The following ACBD4 variants were observed in gnomAD, a reference collection of about 807,000 sequenced individuals.
ACBD4 encodes the protein acyl-CoA-binding domain-containing protein 4.
Under a neutral mutation model 46.0 loss-of-function variants are expected in ACBD4, and 41 were observed. The ratio of observed to expected loss-of-function variants is 0.89; its 90% CI spans 0.69 to 1.16. ACBD4 has a LOEUF of 1.16. Ranked by LOEUF, ACBD4 falls within the 50% of genes most tolerant of loss-of-function variation. The pLI is 0.00. For missense variants in ACBD4, 393 were observed against 399.5 expected, an observed-to-expected ratio of 0.98 and a Z score of 0.14; for synonymous variants, 162 against 155.9, an observed-to-expected ratio of 1.04 and a Z score of -0.29.
intron 2 of ACBD4, 59 bp from the exon 3 acceptor site, chr17:45,136,441 C>A: frequency 1.3e-6 from 2 of 1,570,190 alleles, no homozygotes; most frequent in South Asian, 2.3e-5. Context: ...TTCTCCCGCC[C>A]CTCCGCCCCT....
upstream of ACBD4, among the ~76,000 whole-genome samples, chr17:45,135,178 C>T (rs1157086930): frequency 2.0e-5 from 3 of 152,154 alleles, no homozygotes; most frequent in African/African-American, 7.2e-5. Context: ...GTTGGCCCGG[C>T]TGGTCTCGAA....
At chr17:45,142,162 G>T (rs538147788) in intron 9 of ACBD4, among the ~76,000 whole-genome samples, 2 of 152,102 alleles carry the variant, frequency 1.3e-5, no homozygotes, top group East Asian at 3.9e-4. Context: ...GGAGGCTGAG[G>T]TGGGTGGATC....
upstream of ACBD4, among the ~76,000 whole-genome samples, chr17:45,134,997 T>A (rs1024834016): frequency 4.8e-5 from 7 of 145,788 alleles, no homozygotes; most frequent in Admixed American, 1.4e-4. Flanking sequence ...AGATGGAGTC[T>A]CACTCTCGCC....
At chr17:45,140,545 G>GC (rs2055205728) in intron 9 of ACBD4, among the ~76,000 whole-genome samples, 1 of 145,180 alleles carries the variant, frequency 6.9e-6, no homozygotes, top group African/African-American at 2.5e-5. Context: ...TAGATTACAG[G>GC]CCAGCGTGGT....
upstream of ACBD4, among the ~76,000 whole-genome samples, chr17:45,134,080 C>A (rs1322338464): frequency 7.9e-5 from 12 of 152,222 alleles, no homozygotes; most frequent in Admixed American, 2.0e-4. Context: ...AAGTAACCAT[C>A]ACCTCAAGCA....
chr17:45,134,470 A>G (rs971178899), upstream of ACBD4, among the ~76,000 whole-genome samples: 3 of 151,650 alleles, frequency 2.0e-5, no homozygotes, highest in African/African-American at 7.3e-5. Flanking sequence ...TGTTTTTAAA[A>G]TAATTAATTT....
At chr17:45,138,068 C>G (rs1381459801) in intron 8 of ACBD4, 80 bp downstream of exon 8, 1 of 1,403,624 alleles carries the variant, frequency 7.1e-7, no homozygotes, top group East Asian at 2.5e-5. Context: ...TGGCTGCCTT[C>G]CTAGGGCAGA....
chr17:45,138,988 G>A, intron 8 of ACBD4, 33 bp from the exon 9 acceptor site: 1 of 1,609,998 alleles, frequency 6.2e-7, no homozygotes, highest in Non-Finnish European at 8.5e-7. Context: ...ATTGCCTCCT[G>A]AGCCCCCTTC....
chr17:45,132,492 C>A, upstream of ACBD4: 1 of 905,376 alleles, frequency 1.1e-6, no homozygotes, highest in Non-Finnish European at 1.4e-6. The surrounding 1 kb of genome is among the most constrained non-coding windows in gnomAD (Gnocchi z 4.6). Context: ...CCGGCCCCGG[C>A]TCTGAGCGAG....
At position 45,138,867 on chromosome 17, in the gene ACBD4, C is replaced by T. The variant is rs184170821; in HGVS notation, c.650-154C>T. Among the ~76,000 whole-genome samples, 190 of 152,172 alleles carry T rather than the reference C, an allele frequency of 1.2e-3. 1 individual carries two copies. In the South Asian group the frequency reaches 0.014, roughly 11 times the overall value. Reference sequence around the variant, plus strand: ...GGATTAAACCCATAGCAGCCCATTACTCAGCTACATAGATGGACTTTGCAA... The same window carrying T: ...GGATTAAACCCATAGCAGCCCATTATTCAGCTACATAGATGGACTTTGCAA... On this transcript the variant is annotated intron_variant, in intron 8 of 9. Transcript: ENST00000321854.
chr17:45,139,173 A>G lies in ACBD4; in HGVS notation c.789+13A>G. On this transcript the variant is annotated intron_variant, in intron 9 of 9. Coordinates refer to ENST00000321854, the MANE Select transcript of ACBD4 (RefSeq NM_001135705.3). ...GCCCCCTGAGCAGGTAGAGTCCCCC[A>G]CCCCATAGGACAAGATGATGGCAGA... 1 of 1,612,376 alleles carries G rather than the reference A, an allele frequency of 6.2e-7. No individual in the cohort carries two copies. The highest frequency in any genetic ancestry group is 8.5e-7 in the Non-Finnish European group (1 of 1,179,422).
chr17:45,138,982 C>G lies in ACBD4; in HGVS notation c.650-39C>G, dbSNP rs766340793. ...CCCCACCCTGCCCAGAGCTGAATTG[C>G]CTCCTGAGCCCCCTTCCCTGTGTGT... On this transcript the variant is annotated intron_variant, in intron 8 of 9. Transcript: ENST00000321854. 4.4e-6 allele frequency: 7 copies of G among 1,608,466 alleles called. No homozygotes were observed. In the South Asian group the frequency reaches 6.6e-5, roughly 15 times the overall value.
intron 9 of ACBD4, among the ~76,000 whole-genome samples, chr17:45,139,472 G>T (rs904623148): frequency 6.6e-6 from 1 of 152,184 alleles, no homozygotes; most frequent in Non-Finnish European, 1.5e-5. Context: ...CATTGAGGAT[G>T]CGGGTCCCTA....
intron 8 of ACBD4, among the ~76,000 whole-genome samples, chr17:45,138,700 A>G (rs1357707284): frequency 6.6e-6 from 1 of 151,988 alleles, no homozygotes; most frequent in Non-Finnish European, 1.5e-5. Flanking sequence ...AGGCAGGAGA[A>G]TCGCTTGAAT....
chr17:45,132,415 T>G (rs1381662224), upstream of ACBD4: 1 of 1,213,098 alleles, frequency 8.2e-7, no homozygotes, highest in African/African-American at 1.6e-5. This position sits in a 1 kb window ranked among gnomAD's most constrained non-coding sequence, Gnocchi z 4.6. Context: ...CAGCATGGCT[T>G]GGCGGGGGGC....
upstream of ACBD4, chr17:45,132,663 CGTGA>C (rs1412389753): frequency 4.1e-6 from 1 of 241,532 alleles, no homozygotes; most frequent in African/African-American, 2.3e-5. The surrounding 1 kb of genome is among the most constrained non-coding windows in gnomAD (Gnocchi z 4.6). Flanking sequence ...CGCCCCTGCT[CGTGA>C]GTCCGTCTCC....
At chr17:45,134,713 A>C (rs1011861948), upstream of ACBD4, among the ~76,000 whole-genome samples, 2 of 151,906 alleles carry the variant, frequency 1.3e-5, no homozygotes, top group African/African-American at 4.8e-5. Flanking sequence ...GGAGGCGGAG[A>C]TTGCAGTGAG....
chr17:45,143,418 C>G, intron 9 of ACBD4, 25 bp from the exon 10 acceptor site: 1 of 1,587,334 alleles, frequency 6.3e-7, no homozygotes, highest in Non-Finnish European at 8.5e-7. Context: ...GGACTGGCCT[C>G]TGACTCCCTC....
At chr17:45,134,122 A>G (rs2054637800), upstream of ACBD4, among the ~76,000 whole-genome samples, 1 of 152,200 alleles carries the variant, frequency 6.6e-6, no homozygotes, top group Non-Finnish European at 1.5e-5. Context: ...GAACATTCCA[A>G]TTCCGCTTTT....
Sources: allele counts gnomAD v4.1 joint callset (sites outside exome capture counted in the v4.1 genomes callset), GRCh38; gene constraint gnomAD v4.1.1; non-coding constraint Gnocchi (gnomAD v3.1); transcripts MANE v1.5; gene names NCBI Gene and HGNC (gene_info 2026-07-23, HGNC 2026-07-21).